Variants in COL15A1 observed in about 807,000 individuals in gnomAD.
The protein encoded by COL15A1 is collagen type XV alpha 1 chain.
A neutral mutation model predicts 165.9 loss-of-function variants in COL15A1; 111 were observed. That is an observed-to-expected ratio of 0.67 (90% CI 0.57 to 0.78). The LOEUF is 0.78. COL15A1 is among the 30% of genes least tolerant of loss of function. The pLI is 0.00. For missense variants in COL15A1, 1,745 were observed against 1,789.7 expected (o/e 0.98, Z 0.45); for synonymous variants, 659 against 674.8 (o/e 0.98, Z 0.36).
At chr9:98,965,386 C>T (rs987597380) in intron 2 of COL15A1, among the ~76,000 whole-genome samples, 7 of 152,230 alleles carry the variant, frequency 4.6e-5, no homozygotes, top group Non-Finnish European at 4.4e-5. Flanking sequence ...TCTTAAGCTC[C>T]TTCAGCTTCA....
chr9:99,015,358 C>G, intron 9 of COL15A1, 59 bp from the exon 10 acceptor site: 1 of 1,227,924 alleles, frequency 8.1e-7, no homozygotes. Flanking sequence ...CAGCCTCACA[C>G]CCACTGAACC....
At chr9:98,969,706 A>C (rs990231171) in intron 2 of COL15A1, among the ~76,000 whole-genome samples, 1 of 152,202 alleles carries the variant, frequency 6.6e-6, no homozygotes, top group Non-Finnish European at 1.5e-5. Flanking sequence ...CTGGGACAAC[A>C]ATAAGGGTGT....
At chr9:99,013,089 G>A (rs530940356) in intron 9 of COL15A1, among the ~76,000 whole-genome samples, 2 of 152,164 alleles carry the variant, frequency 1.3e-5, no homozygotes, top group East Asian at 3.9e-4. Context: ...CTGGTTGCGG[G>A]TGAGACTCTA....
In COL15A1 at chr9:99,015,513, G is replaced by C. The variant is rs1209887547; in HGVS notation, c.1450G>C (p.Asp484His). The C allele has an allele frequency of 6.2e-7, 1 of 1,613,826 alleles. No individual in the cohort carries two copies. The highest frequency in any genetic ancestry group is 1.7e-5 in the Admixed American group (1 of 60,036). ...EDEEASGVPT[D>H]GLAPLTATMA... Reference sequence around the variant, plus strand: ...TGAGGAAGCCAGTGGGGTCCCCACAGATGGCCTGGCTCCCCTCACAGCCAC... The same window carrying C: ...TGAGGAAGCCAGTGGGGTCCCCACACATGGCCTGGCTCCCCTCACAGCCAC... The change falls in exon 10 of 42, where the codon GAT becomes CAT. Residue 484 changes from aspartate (D) to histidine (H), a missense_variant. Asp to His is a moderately conservative substitution (Grantham distance 81, BLOSUM62 -1). Coordinates refer to ENST00000375001, the MANE Select transcript of COL15A1 (RefSeq NM_001855.5).
chr9:99,055,918 T>G (rs1825714026), intron 34 of COL15A1, among the ~76,000 whole-genome samples: 2 of 152,216 alleles, frequency 1.3e-5, no homozygotes, highest in African/African-American at 4.8e-5. Flanking sequence ...GAGTTCTGCC[T>G]CTAGCTCTGC....
intron 30 of COL15A1, among the ~76,000 whole-genome samples, chr9:99,051,057 G>T (rs1223446515): frequency 2.0e-5 from 3 of 152,174 alleles, no homozygotes; most frequent in Non-Finnish European, 4.4e-5. Flanking sequence ...TCTCAGTGCT[G>T]GAGTGACCTT....
At chr9:99,056,820 G>C (rs1825727708) in intron 35 of COL15A1, among the ~76,000 whole-genome samples, 1 of 152,182 alleles carries the variant, frequency 6.6e-6, no homozygotes, top group Non-Finnish European at 1.5e-5. Context: ...ATGGCCCTTT[G>C]AGTCTGGCTT....
chr9:99,066,772 C>A (rs532998490), intron 39 of COL15A1, 110 bp from the exon 40 acceptor site: 1 of 942,504 alleles, frequency 1.1e-6, no homozygotes, highest in Non-Finnish European at 1.6e-6. Flanking sequence ...TGACCTCCAA[C>A]GTGCCTTCCA....
intron 6 of COL15A1, among the ~76,000 whole-genome samples, chr9:98,997,370 A>G (rs1380982251): frequency 2.0e-5 from 3 of 152,224 alleles, no homozygotes; most frequent in African/African-American, 7.2e-5. Flanking sequence ...CCCAGATTCT[A>G]TTCCTTCTGG....
At chr9:98,959,895 C>T (rs1227831699) in intron 2 of COL15A1, among the ~76,000 whole-genome samples, 1 of 152,184 alleles carries the variant, frequency 6.6e-6, no homozygotes, top group Non-Finnish European at 1.5e-5. Context: ...TTCAAGGCCT[C>T]TTCTCCTCTC....
intron 4 of COL15A1, among the ~76,000 whole-genome samples, chr9:98,988,114 G>T (rs891513748): frequency 6.6e-6 from 1 of 152,212 alleles, no homozygotes; most frequent in Non-Finnish European, 1.5e-5. Flanking sequence ...AGAAGGTAGC[G>T]CATTCCTGCA....
rs148505379 is a variant in COL15A1 at position 99,004,267 on chromosome 9, G to C, written c.1201-631G>C. ...GGGTGGGGAAGCAAACTTGGAGAAA[G>C]AGGCCGGGCTTGGGGGCTGTGTTGG... On this transcript the variant is annotated intron_variant, in intron 8 of 41. Coordinates refer to ENST00000375001, the MANE Select transcript of COL15A1 (RefSeq NM_001855.5). 1.9e-4 allele frequency among the ~76,000 whole-genome samples: 29 copies of C among 152,302 alleles called. No individual in the cohort carries two copies. In the East Asian group the frequency reaches 5.2e-3, roughly 27 times the overall value.
chr9:99,056,551 C>T, intron 35 of COL15A1, 147 bp downstream of exon 35: 1 of 1,266,098 alleles, frequency 7.9e-7, no homozygotes, highest in East Asian at 2.6e-5. Flanking sequence ...AATTGAGATA[C>T]AATTTGCACA....
intron 9 of COL15A1, among the ~76,000 whole-genome samples, chr9:99,005,477 G>A (rs1408676806): frequency 6.6e-6 from 1 of 152,138 alleles, no homozygotes; most frequent in African/African-American, 2.4e-5. Flanking sequence ...AGCTCCTGAA[G>A]GCAGGGCACA....
chr9:98,944,859 C>A (rs1359489690), intron 2 of COL15A1, among the ~76,000 whole-genome samples: 2 of 152,198 alleles, frequency 1.3e-5, no homozygotes, highest in Admixed American at 6.5e-5. Flanking sequence ...GTTTCTCCAG[C>A]AGAACTCAGG....
At chr9:98,963,274 C>A (rs921101999) in intron 2 of COL15A1, among the ~76,000 whole-genome samples, 3 of 111,512 alleles carry the variant, frequency 2.7e-5, no homozygotes, top group African/African-American at 1.1e-4. Context: ...ACAATGCCTG[C>A]AAGTCCCCCC....
chr9:98,971,516 C>G (rs917064788), intron 2 of COL15A1, among the ~76,000 whole-genome samples: 1 of 151,970 alleles, frequency 6.6e-6, no homozygotes, highest in Non-Finnish European at 1.5e-5. Flanking sequence ...CATGGGTGCT[C>G]ACGCCTGCCC....
chr9:99,024,991 G>C lies in COL15A1; in HGVS notation c.1972G>C (p.Gly658Arg), dbSNP rs1839098082. The C allele has an allele frequency of 6.2e-7, 1 of 1,613,024 alleles. No individual in the cohort carries two copies. Among genetic ancestry groups the C allele is most frequent in the African/African-American group, 1.3e-5 (1 of 74,846 alleles). Reference protein sequence around the residue: ...PGEDGPAGEPGPPGPEGQPGV... With the variant: ...PGEDGPAGEPRPPGPEGQPGV... ...AGAGGATGGACCTGCTGGTGAACCT[G>C]GGCCCCCGGTGAGCAACTGAAGTCT... The change falls in exon 15 of 42, where the codon GGG (glycine) becomes CGG (arginine). Residue 658 changes from glycine to arginine, a missense_variant. By Grantham distance (125) the Gly-to-Arg change is moderately radical. Transcript: ENST00000375001.
chr9:99,044,534 T>C (rs376334203), intron 24 of COL15A1, 34 bp from the exon 25 acceptor site: 5 of 1,608,066 alleles, frequency 3.1e-6, no homozygotes, highest in Non-Finnish European at 4.3e-6. Context: ...CAAGGAGGAG[T>C]CCTGACTTCA....
Sources: gnomAD v4.1 joint callset for allele counts (sites outside exome capture counted in the v4.1 genomes callset) on GRCh38, gnomAD v4.1.1 for gene constraint, MANE v1.5 for transcripts, NCBI Gene and HGNC (gene_info 2026-07-23, HGNC 2026-07-21) for gene names.